ESR1: variants seen among roughly 807,000 people sequenced by gnomAD.
ESR1 encodes estrogen receptor 1.
Under a neutral mutation model 52.7 loss-of-function variants are expected in ESR1, and 12 were observed. The observed-to-expected ratio is 0.23, with a 90% CI of 0.15 to 0.37. The LOEUF (loss-of-function observed/expected upper bound fraction) is 0.37. Ranked by LOEUF, ESR1 falls within the 10% of genes least tolerant of loss-of-function variation. The pLI is 1.00. For missense variants in ESR1, 584 were observed against 779.7 expected (o/e 0.75, Z 2.99); for synonymous variants, 305 against 316.8 (o/e 0.96, Z 0.39).
intron 2 of ESR1, among the ~76,000 whole-genome samples, chr6:151,856,899 C>G (rs750404928): frequency 5.3e-5 from 8 of 152,160 alleles, no homozygotes; most frequent in Admixed American, 4.6e-4. Flanking sequence ...GCATCAGTGT[C>G]AAACTTCCTG....
chr6:151,660,873 G>A (rs940672582), intron 1 of ESR1, among the ~76,000 whole-genome samples: 3 of 152,108 alleles, frequency 2.0e-5, no homozygotes, highest in Non-Finnish European at 2.9e-5. Flanking sequence ...TCGCACTCAC[G>A]AGATACTCTG....
chr6:151,885,680 C>T (rs1206606479), intron 3 of ESR1, among the ~76,000 whole-genome samples: 1 of 152,124 alleles, frequency 6.6e-6, no homozygotes, highest in Non-Finnish European at 1.5e-5. Context: ...GCCTGGCCAA[C>T]AAGGTGAAAC....
At chr6:151,899,212 G>A (rs1454824330) in intron 3 of ESR1, among the ~76,000 whole-genome samples, 6 of 140,648 alleles carry the variant, frequency 4.3e-5, no homozygotes, top group Admixed American at 2.1e-4. Flanking sequence ...GGGCAGAGGC[G>A]CCCCTCACCT....
chr6:151,732,548 G>GTGTT (rs1209904998), intron 2 of ESR1, among the ~76,000 whole-genome samples: 1 of 151,968 alleles, frequency 6.6e-6, no homozygotes, highest in Non-Finnish European at 1.5e-5. Flanking sequence ...GTGTGTGTGT[G>GTGTT]TGTGTGTGTG....
chr6:151,714,879 T>TA (rs1279659802), intron 2 of ESR1, among the ~76,000 whole-genome samples: 4 of 152,222 alleles, frequency 2.6e-5, no homozygotes, highest in African/African-American at 9.7e-5. Context: ...ATCCTGTCAT[T>TA]ATGATGCTAG....
chr6:152,115,004 A>G (rs1417902401), intron 6 of ESR1, among the ~76,000 whole-genome samples: 1 of 151,894 alleles, frequency 6.6e-6, no homozygotes, highest in Admixed American at 6.6e-5. Flanking sequence ...ACTTGGATCT[A>G]AAAAACAAGT....
intron 5 of ESR1, among the ~76,000 whole-genome samples, chr6:152,026,453 C>T (rs1184619478): frequency 1.3e-5 from 2 of 151,850 alleles, no homozygotes; most frequent in East Asian, 3.8e-4. Context: ...TTATTTTAAA[C>T]ACAAGAAGAG....
At chr6:152,051,817 T>C (rs1004071444) in intron 5 of ESR1, among the ~76,000 whole-genome samples, 1 of 152,106 alleles carries the variant, frequency 6.6e-6, no homozygotes, top group African/African-American at 2.4e-5. Context: ...ACTTTGTTTC[T>C]TTTTTTTAAA....
chr6:151,876,319 G>A (rs1284260917), intron 2 of ESR1, among the ~76,000 whole-genome samples: 7 of 152,138 alleles, frequency 4.6e-5, no homozygotes, highest in African/African-American at 1.7e-4. Flanking sequence ...AGAGAGTCAA[G>A]TCTTGATGGA....
intron 4 of ESR1, among the ~76,000 whole-genome samples, chr6:151,974,854 C>T (rs1047520256): frequency 3.3e-5 from 5 of 152,184 alleles, no homozygotes; most frequent in African/African-American, 1.2e-4. Context: ...CTCTCTGACT[C>T]GCTCTGTCTC....
chr6:151,793,194 A>T (rs1776364915), intron 2 of ESR1, among the ~76,000 whole-genome samples: 1 of 151,914 alleles, frequency 6.6e-6, no homozygotes, highest in African/African-American at 2.4e-5. Flanking sequence ...AAAGTTTTAA[A>T]CCTTTTTAAA....
chr6:151,747,157 A>C (rs1165508036), intron 2 of ESR1, among the ~76,000 whole-genome samples: 2 of 152,166 alleles, frequency 1.3e-5, no homozygotes, highest in Non-Finnish European at 2.9e-5. Flanking sequence ...CCTTCCTTTT[A>C]GTCAATTAGT....
At chr6:151,796,432 G>T (rs1776720325) in intron 2 of ESR1, among the ~76,000 whole-genome samples, 1 of 152,160 alleles carries the variant, frequency 6.6e-6, no homozygotes, top group Non-Finnish European at 1.5e-5. Flanking sequence ...TTGGTGGGTT[G>T]CAGGCAGAGG....
At chr6:151,680,453 C>T (rs1197699485) in intron 1 of ESR1, among the ~76,000 whole-genome samples, 2 of 152,198 alleles carry the variant, frequency 1.3e-5, no homozygotes, top group African/African-American at 4.8e-5. Context: ...ATCCACCTAC[C>T]TCGACCTCCC....
chr6:151,704,094 A>G (rs376602620), intron 2 of ESR1, among the ~76,000 whole-genome samples: 5 of 152,234 alleles, frequency 3.3e-5, no homozygotes, highest in African/African-American at 1.2e-4. Flanking sequence ...CTTGAGTAGA[A>G]AGATTCTAAG....
chr6:151,966,840 C>T (rs1163684653), intron 4 of ESR1, among the ~76,000 whole-genome samples: 2 of 152,166 alleles, frequency 1.3e-5, no homozygotes, highest in African/African-American at 4.8e-5. Flanking sequence ...TGTTACTGGC[C>T]TCCTCAAGCC....
chr6:151,677,335 T>C (rs1171920887), intron 1 of ESR1, among the ~76,000 whole-genome samples: 8 of 152,240 alleles, frequency 5.3e-5, no homozygotes, highest in African/African-American at 1.9e-4. Context: ...TATTTCCCTT[T>C]CTGTAAAATG....
chr6:151,934,980 C>T (rs1192571600), intron 3 of ESR1, among the ~76,000 whole-genome samples: 1 of 152,146 alleles, frequency 6.6e-6, no homozygotes, highest in Non-Finnish European at 1.5e-5. Context: ...ACAGATTGTG[C>T]CAGTCAGTGT....
intron 2 of ESR1, among the ~76,000 whole-genome samples, chr6:151,850,287 C>T (rs1202896754): frequency 6.7e-6 from 1 of 149,494 alleles, no homozygotes; most frequent in Non-Finnish European, 1.5e-5. Flanking sequence ...CCAGTATATA[C>T]TTCAGTATAT....
Sources: gnomAD v4.1 joint callset for allele counts (sites outside exome capture counted in the v4.1 genomes callset) on GRCh38, gnomAD v4.1.1 for gene constraint, MANE v1.5 for transcripts, NCBI Gene and HGNC (gene_info 2026-07-23, HGNC 2026-07-21) for gene names.